PPP2R2B: variants seen among roughly 807,000 people sequenced by gnomAD.
The protein encoded by PPP2R2B is serine/threonine-protein phosphatase 2A 55 kDa regulatory subunit B beta isoform.
PPP2R2B carries 5 observed loss-of-function variants against 46.0 expected under a neutral mutation model. The observed-to-expected ratio is 0.11, with a 90% CI of 0.06 to 0.23. The LOEUF is 0.23. Ranked by LOEUF, PPP2R2B falls within the 10% of genes least tolerant of loss-of-function variation. PPP2R2B has a pLI of 1.00. For synonymous variants in PPP2R2B, 215 were observed against 206.7 expected (o/e 1.04, Z -0.34); for missense variants, 367 against 575.0 (o/e 0.64, Z 3.70).
At position 146,736,055 on chromosome 5, in the gene PPP2R2B, T is replaced by C. The variant is rs138907222; in HGVS notation, c.71-34913A>G. Among the ~76,000 whole-genome samples the C allele has an allele frequency of 2.4e-4, 36 of 152,302 alleles. No homozygotes were observed. In the South Asian group the frequency reaches 2.7e-3, roughly 11 times the overall value. Reference sequence around the variant, plus strand: ...GGACCAGGTGGAGATAATTGAATCATGGGAGCAGTTTCCCCCATCCTGTTC... The same window carrying C: ...GGACCAGGTGGAGATAATTGAATCACGGGAGCAGTTTCCCCCATCCTGTTC... On this transcript the variant is annotated intron_variant, in intron 2 of 9. Transcript: ENST00000394411.
chr5:146,989,236 T>TAAA lies in PPP2R2B; in HGVS notation c.79+66428_79+66429insTTT, dbSNP rs1430240245. On this transcript the variant is annotated intron_variant, in intron 1 of 8. Coordinates refer to the PPP2R2B transcript ENST00000336640. ...CAAAAAGCTAAAGTGAACCGAATAG[T>TAAA]TCCATATTCATTCTACAAGGCCAGC... Among the ~76,000 whole-genome samples the TAAA allele has an allele frequency of 6.5e-3, 986 of 152,142 alleles. 7 individuals are homozygous for TAAA. Among genetic ancestry groups the TAAA allele is most frequent in the African/African-American group, 0.023 (942 of 41,524 alleles).
At chr5:146,993,376 G>A (rs948138164) in intron 1 of PPP2R2B, among the ~76,000 whole-genome samples, 10 of 151,934 alleles carry the variant, frequency 6.6e-5, no homozygotes, top group Admixed American at 5.2e-4. Context: ...CCGAGTAGCT[G>A]GGACTACAGG....
At chr5:146,631,484 C>T (rs1057278498) in intron 7 of PPP2R2B, among the ~76,000 whole-genome samples, 3 of 152,180 alleles carry the variant, frequency 2.0e-5, no homozygotes, top group African/African-American at 7.2e-5. Flanking sequence ...GTCCCCAGGT[C>T]TTTGGCAAGT....
chr5:146,910,263 T>G (rs779411833), intron 1 of PPP2R2B, among the ~76,000 whole-genome samples: 7 of 152,148 alleles, frequency 4.6e-5, no homozygotes. Flanking sequence ...ATTTTGCAGA[T>G]AGAAAAAAAT....
chr5:147,028,346 C>T (rs1010478787), intron 1 of PPP2R2B, among the ~76,000 whole-genome samples: 10 of 152,206 alleles, frequency 6.6e-5, no homozygotes, highest in African/African-American at 2.4e-4. Context: ...AGAAAGGGCA[C>T]TGAATGCTGA....
At chr5:146,948,363 A>G (rs939787666) in intron 1 of PPP2R2B, among the ~76,000 whole-genome samples, 4 of 151,962 alleles carry the variant, frequency 2.6e-5, no homozygotes, top group Non-Finnish European at 4.4e-5. Flanking sequence ...GTTAATACCT[A>G]TTTGTCTTAT....
chr5:146,719,936 C>T (rs1283138727), intron 2 of PPP2R2B, among the ~76,000 whole-genome samples: 1 of 152,054 alleles, frequency 6.6e-6, no homozygotes. Flanking sequence ...AGCAGCTGCT[C>T]CCTTTAGAAG....
At chr5:146,878,821 C>G (rs978197072), upstream of PPP2R2B, 29 of 1,264,456 alleles carry the variant, frequency 2.3e-5, 2 homozygotes, top group African/African-American at 2.0e-4. This position sits in a 1 kb window ranked among gnomAD's most constrained non-coding sequence, Gnocchi z 4.5. Flanking sequence ...TCAGCAGCCC[C>G]ACGACTCTTT....
chr5:146,987,457 C>A (rs1489014467), intron 1 of PPP2R2B, among the ~76,000 whole-genome samples: 1 of 151,890 alleles, frequency 6.6e-6, no homozygotes, highest in Non-Finnish European at 1.5e-5. Flanking sequence ...AAGATGTAAA[C>A]TGAAATATCC....
intron 2 of PPP2R2B, among the ~76,000 whole-genome samples, chr5:146,775,151 G>A (rs1405763951): frequency 6.6e-6 from 1 of 152,114 alleles, no homozygotes; most frequent in African/African-American, 2.4e-5. Context: ...TATGAGACCA[G>A]CATTACTTTG....
chr5:146,687,301 T>C (rs1027964401), intron 5 of PPP2R2B, among the ~76,000 whole-genome samples: 32 of 152,264 alleles, frequency 2.1e-4, no homozygotes, highest in African/African-American at 7.7e-4. Flanking sequence ...TGAGGCTGCA[T>C]CGGATCGAAG....
At chr5:146,982,580 C>T (rs1479922589) in intron 1 of PPP2R2B, among the ~76,000 whole-genome samples, 1 of 152,182 alleles carries the variant, frequency 6.6e-6, no homozygotes, top group African/African-American at 2.4e-5. Flanking sequence ...CATTCTTCCA[C>T]ATCCTTGATG....
At chr5:146,766,878 A>C (rs1373192205) in intron 2 of PPP2R2B, among the ~76,000 whole-genome samples, 1 of 151,616 alleles carries the variant, frequency 6.6e-6, no homozygotes, top group Non-Finnish European at 1.5e-5. Context: ...ATATGGTGAA[A>C]CCCCGTCTCT....
At chr5:147,073,762 G>A (rs7705723) in intron 2 of PPP2R2B, among the ~76,000 whole-genome samples, 4,960 of 152,180 alleles carry the variant, frequency 0.033, 306 homozygotes, top group African/African-American at 0.11. Flanking sequence ...TGGGATGGGC[G>A]GGGCGTGGTG....
chr5:146,625,900 A>T (rs754760762), intron 7 of PPP2R2B, among the ~76,000 whole-genome samples: 4 of 152,158 alleles, frequency 2.6e-5, no homozygotes, highest in Admixed American at 6.5e-5. Context: ...AGACAGAGAG[A>T]TGTGATATGA....
intron 1 of PPP2R2B, among the ~76,000 whole-genome samples, chr5:146,980,782 T>C (rs141935209): frequency 1.3e-5 from 2 of 152,334 alleles, no homozygotes; most frequent in Admixed American, 1.3e-4. Context: ...CATAGGAGAA[T>C]TGCTTTCTCT....
At chr5:147,002,020 T>C (rs1215123538) in intron 1 of PPP2R2B, among the ~76,000 whole-genome samples, 1 of 152,092 alleles carries the variant, frequency 6.6e-6, no homozygotes, top group Non-Finnish European at 1.5e-5. Flanking sequence ...GACTCATCCA[T>C]CTATCTTATC....
At chr5:146,884,820 A>G (rs1427562143) in intron 1 of PPP2R2B, among the ~76,000 whole-genome samples, 1 of 152,214 alleles carries the variant, frequency 6.6e-6, no homozygotes, top group Non-Finnish European at 1.5e-5. Flanking sequence ...CTAGTACCTG[A>G]CTACATTGCT....
At chr5:147,041,991 T>C (rs1052714915) in intron 1 of PPP2R2B, among the ~76,000 whole-genome samples, 1 of 152,116 alleles carries the variant, frequency 6.6e-6, no homozygotes, top group Non-Finnish European at 1.5e-5. Context: ...AGGATTTAAC[T>C]TGTGCAAGCT....
Sources: gnomAD v4.1 joint callset for allele counts (sites outside exome capture counted in the v4.1 genomes callset) on GRCh38, gnomAD v4.1.1 for gene constraint, Gnocchi (gnomAD v3.1) non-coding constraint, MANE v1.5 for transcripts, NCBI Gene and HGNC (gene_info 2026-07-23, HGNC 2026-07-21) for gene names.